TMEM108: variants seen among roughly 807,000 people sequenced by gnomAD.
TMEM108 encodes the protein transmembrane protein 108, also known as cancer/testis antigen 124.
Under a neutral mutation model 35.1 loss-of-function variants are expected in TMEM108, and 12 were observed. The ratio of observed to expected loss-of-function variants is 0.34; its 90% CI spans 0.22 to 0.55. The LOEUF is 0.55. Among genes scored for constraint, TMEM108 ranks in the 20% least tolerant of loss-of-function variants. The probability of loss-of-function intolerance (pLI) is 0.89; values close to 1 mark genes in which losing one functional copy is unlikely to be tolerated. For missense variants in TMEM108, 680 were observed against 753.3 expected (o/e 0.90, Z 1.14); for synonymous variants, 287 against 308.6 (o/e 0.93, Z 0.73).
chr3:133,209,862 C>G (rs1945811542), intron 2 of TMEM108, among the ~76,000 whole-genome samples: 1 of 152,088 alleles, frequency 6.6e-6, no homozygotes, highest in Non-Finnish European at 1.5e-5. Context: ...TTCCCACACC[C>G]TCTTCACTTC....
intron 2 of TMEM108, among the ~76,000 whole-genome samples, chr3:133,049,132 G>C (rs1461527131): frequency 2.0e-5 from 3 of 152,180 alleles, no homozygotes; most frequent in Non-Finnish European, 4.4e-5. Context: ...TTATGATGGG[G>C]AGGGCGCAGA....
intron 3 of TMEM108, among the ~76,000 whole-genome samples, chr3:133,374,540 T>C (rs1241561121): frequency 8.3e-6 from 1 of 120,550 alleles, no homozygotes; most frequent in African/African-American, 3.4e-5. Context: ...ATATAATTTT[T>C]GTTATATATA....
At chr3:133,226,050 G>A (rs1379618648) in intron 2 of TMEM108, among the ~76,000 whole-genome samples, 1 of 152,202 alleles carries the variant, frequency 6.6e-6, no homozygotes, top group African/African-American at 2.4e-5. Context: ...AGAAAGGTGA[G>A]ACAACTCAAA....
intron 3 of TMEM108, among the ~76,000 whole-genome samples, chr3:133,361,704 G>A (rs921504642): frequency 6.6e-6 from 1 of 152,106 alleles, no homozygotes; most frequent in Non-Finnish European, 1.5e-5. Flanking sequence ...TCTCCATCTC[G>A]TGTGGTCTCT....
rs2072785062 is a variant in TMEM108 at position 133,374,794 on chromosome 3, TAGAAA to T, written c.41-4956_41-4952del. ...GTCATACAGAGCCCTGGAATAGAGA[TAGAAA>T]AAAAACAAGACAGAAGAAAAGTCAA... is the stretch of plus-strand genomic sequence containing the variant. On this transcript the variant is annotated intron_variant, in intron 3 of 5. Coordinates refer to ENST00000321871, the MANE Select transcript of TMEM108 (RefSeq NM_023943.4). 3.3e-5 allele frequency among the ~76,000 whole-genome samples: 5 copies of T among 151,784 alleles called. No homozygotes were observed. In the South Asian group the frequency reaches 1.0e-3, roughly 32 times the overall value.
At chr3:133,378,918 T>A (rs1241841752) in intron 3 of TMEM108, among the ~76,000 whole-genome samples, 1 of 152,024 alleles carries the variant, frequency 6.6e-6, no homozygotes, top group East Asian at 1.9e-4. Flanking sequence ...GAAAAGCAGT[T>A]AATAACAACC....
At chr3:133,342,917 C>T (rs1476537601) in intron 3 of TMEM108, among the ~76,000 whole-genome samples, 4 of 151,432 alleles carry the variant, frequency 2.6e-5, no homozygotes, top group Admixed American at 6.6e-5. Context: ...GAATTTTGAA[C>T]GTTCCCAACA....
intron 3 of TMEM108, among the ~76,000 whole-genome samples, chr3:133,243,608 C>T (rs1264819001): frequency 6.6e-6 from 1 of 152,078 alleles, no homozygotes; most frequent in East Asian, 1.9e-4. Context: ...GCAAGCTCCG[C>T]CTCCTGGGTT....
intron 2 of TMEM108, among the ~76,000 whole-genome samples, chr3:133,200,993 A>G (rs1040099751): frequency 2.6e-5 from 4 of 152,246 alleles, no homozygotes; most frequent in African/African-American, 9.6e-5. Flanking sequence ...CCCTTATGTT[A>G]ATTTTGGAGG....
chr3:133,395,585 T>C (rs1009286452), intron 5 of TMEM108, among the ~76,000 whole-genome samples: 1 of 152,132 alleles, frequency 6.6e-6, no homozygotes, highest in Non-Finnish European at 1.5e-5. Context: ...CAACCTGGGA[T>C]TGGGGTGATT....
chr3:133,079,367 G>T (rs1399675595), intron 2 of TMEM108, among the ~76,000 whole-genome samples: 4 of 152,128 alleles, frequency 2.6e-5, no homozygotes, highest in African/African-American at 7.2e-5. Context: ...AGTCCGTTTG[G>T]GTTGCTATAC....
intron 3 of TMEM108, among the ~76,000 whole-genome samples, chr3:133,327,044 C>T (rs2071341390): frequency 6.6e-6 from 1 of 151,942 alleles, no homozygotes; most frequent in Non-Finnish European, 1.5e-5. Flanking sequence ...TTTCACTGAA[C>T]ATAGGAACCT....
chr3:133,091,499 A>G (rs919136052), intron 2 of TMEM108, among the ~76,000 whole-genome samples: 2 of 152,214 alleles, frequency 1.3e-5, no homozygotes, highest in African/African-American at 4.8e-5. Context: ...ATTATGATGC[A>G]TAATATGGTT....
intron 2 of TMEM108, among the ~76,000 whole-genome samples, chr3:133,149,823 A>T (rs1353299017): frequency 6.6e-6 from 1 of 152,122 alleles, no homozygotes; most frequent in East Asian, 1.9e-4. Flanking sequence ...CATATACATA[A>T]GGGAATATAT....
intron 2 of TMEM108, among the ~76,000 whole-genome samples, chr3:133,210,599 A>G (rs1355412857): frequency 2.6e-5 from 4 of 152,210 alleles, no homozygotes; most frequent in African/African-American, 9.7e-5. Flanking sequence ...CCAGTCATCA[A>G]AGCAAGGTAG....
intron 2 of TMEM108, among the ~76,000 whole-genome samples, chr3:133,058,122 G>A (rs1943494977): frequency 6.6e-6 from 1 of 151,890 alleles, no homozygotes; most frequent in East Asian, 1.9e-4. Flanking sequence ...GTAATTATGA[G>A]TACCAGGAAA....
chr3:133,361,940 G>T (rs1032154693), intron 3 of TMEM108, among the ~76,000 whole-genome samples: 1 of 152,144 alleles, frequency 6.6e-6, no homozygotes, highest in Admixed American at 6.5e-5. Flanking sequence ...TGGCATAGTA[G>T]AAAACTGCTT....
intron 2 of TMEM108, among the ~76,000 whole-genome samples, chr3:133,216,281 C>G (rs953339257): frequency 6.6e-6 from 1 of 152,020 alleles, no homozygotes; most frequent in Non-Finnish European, 1.5e-5. Flanking sequence ...ATATGACTGT[C>G]CCACTTAAGC....
intron 3 of TMEM108, chr3:133,246,870 A>G (rs1946393910): frequency 6.6e-6 from 1 of 152,228 alleles, no homozygotes; most frequent in Non-Finnish European, 1.5e-5. Flanking sequence ...TCCAAAGGAA[A>G]TTGTTTCATG....
Sources: allele counts gnomAD v4.1 joint callset (sites outside exome capture counted in the v4.1 genomes callset), GRCh38; gene constraint gnomAD v4.1.1; transcripts MANE v1.5; gene names NCBI Gene and HGNC (gene_info 2026-07-23, HGNC 2026-07-21).